HS3ST4: variants seen among roughly 807,000 people sequenced by gnomAD.
HS3ST4 encodes heparan sulfate-glucosamine 3-sulfotransferase 4.
Under a neutral mutation model 29.2 loss-of-function variants are expected in HS3ST4, and 17 were observed. The observed-to-expected ratio is 0.58, with a 90% CI of 0.40 to 0.87. The LOEUF is 0.87. Ranked by LOEUF, HS3ST4 falls within the 40% of genes least tolerant of loss-of-function variation. The pLI is 0.00. For missense variants in HS3ST4, 627 were observed against 634.5 expected, an observed-to-expected ratio of 0.99 and a Z score of 0.13; for synonymous variants, 314 against 285.7, an observed-to-expected ratio of 1.10 and a Z score of -1.00.
chr16:25,977,992 C>T (rs947283437), intron 1 of HS3ST4, among the ~76,000 whole-genome samples: 2 of 152,172 alleles, frequency 1.3e-5, no homozygotes, highest in Admixed American at 6.5e-5. Context: ...GCCATCGGCC[C>T]TAACCTCAAG....
intron 1 of HS3ST4, among the ~76,000 whole-genome samples, chr16:25,867,858 T>G (rs1967712044): frequency 6.6e-6 from 1 of 152,082 alleles, no homozygotes; most frequent in Non-Finnish European, 1.5e-5. Context: ...TCATCGGGCC[T>G]CAGTTTACCC....
chr16:25,940,806 A>G (rs1968564901), intron 1 of HS3ST4, among the ~76,000 whole-genome samples: 1 of 152,172 alleles, frequency 6.6e-6, no homozygotes, highest in Non-Finnish European at 1.5e-5. Context: ...ACTCCTAACC[A>G]AGTCCTTCAC....
At chr16:25,821,080 G>A (rs1453599280) in intron 1 of HS3ST4, among the ~76,000 whole-genome samples, 1 of 136,170 alleles carries the variant, frequency 7.3e-6, no homozygotes, top group Non-Finnish European at 1.5e-5. Flanking sequence ...TTTTTTTTGA[G>A]ACAGTCTTGC....
chr16:26,115,188 T>C (rs1437162651), intron 1 of HS3ST4, among the ~76,000 whole-genome samples: 1 of 151,998 alleles, frequency 6.6e-6, no homozygotes, highest in Non-Finnish European at 1.5e-5. Context: ...AACACTATTA[T>C]GTATTCTATA....
At chr16:25,833,875 A>G (rs992199462) in intron 1 of HS3ST4, among the ~76,000 whole-genome samples, 1 of 152,234 alleles carries the variant, frequency 6.6e-6, no homozygotes, top group Non-Finnish European at 1.5e-5. Context: ...AATCGTTTCC[A>G]TCCCCAGGAT....
At chr16:25,715,287 A>G (rs1013323055) in intron 1 of HS3ST4, among the ~76,000 whole-genome samples, 13 of 143,990 alleles carry the variant, frequency 9.0e-5, no homozygotes, top group African/African-American at 2.8e-4. Context: ...GCGCCACTGC[A>G]GTCCGCAGTC....
At chr16:25,980,317 G>T (rs113640039) in intron 1 of HS3ST4, among the ~76,000 whole-genome samples, 1 of 152,050 alleles carries the variant, frequency 6.6e-6, no homozygotes, top group African/African-American at 2.4e-5. Context: ...ATCATTCCCT[G>T]CTTCTCCTGG....
At chr16:25,870,538 T>C (rs1356711786) in intron 1 of HS3ST4, among the ~76,000 whole-genome samples, 1 of 151,948 alleles carries the variant, frequency 6.6e-6, no homozygotes, top group Non-Finnish European at 1.5e-5. Flanking sequence ...GATGGAAGCT[T>C]CAGAAGAGAA....
At chr16:25,776,579 G>T (rs1045780664) in intron 1 of HS3ST4, among the ~76,000 whole-genome samples, 8 of 152,112 alleles carry the variant, frequency 5.3e-5, no homozygotes, top group African/African-American at 9.7e-5. Context: ...GCTGTGTCAC[G>T]GGTGCGCATC....
intron 1 of HS3ST4, among the ~76,000 whole-genome samples, chr16:25,865,480 G>T (rs370165004): frequency 3.1e-4 from 46 of 149,792 alleles, no homozygotes; most frequent in African/African-American, 1.0e-3. Context: ...TGTCTCTTCA[G>T]GTCCTTTGCC....
intron 1 of HS3ST4, among the ~76,000 whole-genome samples, chr16:25,966,577 G>T (rs1400284887): frequency 6.6e-6 from 1 of 152,100 alleles, no homozygotes. Context: ...CCAGCAGCTG[G>T]GGCAGACTGA....
intron 1 of HS3ST4, among the ~76,000 whole-genome samples, chr16:25,708,110 T>C (rs1321619205): frequency 1.3e-5 from 2 of 152,204 alleles, no homozygotes; most frequent in African/African-American, 4.8e-5. Context: ...ACCTTAATGT[T>C]GCTGGGGTCA....
intron 1 of HS3ST4, among the ~76,000 whole-genome samples, chr16:25,924,706 T>C (rs1035741240): frequency 4.6e-5 from 7 of 152,176 alleles, no homozygotes; most frequent in African/African-American, 1.7e-4. Context: ...TTACAACTTT[T>C]CCCTCTATTA....
chr16:25,866,475 A>G (rs1016245653), intron 1 of HS3ST4, among the ~76,000 whole-genome samples: 1 of 152,240 alleles, frequency 6.6e-6, no homozygotes, highest in African/African-American at 2.4e-5. Flanking sequence ...CTATGCAGCC[A>G]TAAAAAAGGA....
intron 1 of HS3ST4, among the ~76,000 whole-genome samples, chr16:26,131,727 C>T (rs765825191): frequency 6.6e-6 from 1 of 152,120 alleles, no homozygotes; most frequent in Non-Finnish European, 1.5e-5. Context: ...GTTACTGGAT[C>T]GGAGCCCCAG....
intron 1 of HS3ST4, among the ~76,000 whole-genome samples, chr16:25,958,556 C>T (rs1045498174): frequency 3.3e-5 from 5 of 152,148 alleles, no homozygotes; most frequent in Non-Finnish European, 5.9e-5. Context: ...GTCTCGAACT[C>T]CTGACCTCAG....
intron 1 of HS3ST4, among the ~76,000 whole-genome samples, chr16:26,013,052 A>G (rs555000705): frequency 3.3e-4 from 50 of 152,050 alleles, no homozygotes; most frequent in Admixed American, 2.0e-4. Flanking sequence ...AATCCCAGCT[A>G]CTCGGGAGGC....
At chr16:26,071,303 G>T (rs969803892) in intron 1 of HS3ST4, among the ~76,000 whole-genome samples, 1 of 152,130 alleles carries the variant, frequency 6.6e-6, no homozygotes, top group African/African-American at 2.4e-5. Context: ...TGGGGAAGCG[G>T]CTGTAGAAAT....
intron 1 of HS3ST4, among the ~76,000 whole-genome samples, chr16:25,861,629 T>C (rs959071391): frequency 1.3e-5 from 2 of 152,102 alleles, no homozygotes; most frequent in African/African-American, 4.8e-5. Flanking sequence ...GCCAGGGAGA[T>C]GATATATGAG....
Sources: allele counts gnomAD v4.1 joint callset (sites outside exome capture counted in the v4.1 genomes callset), GRCh38; gene constraint gnomAD v4.1.1; transcripts MANE v1.5; gene names NCBI Gene and HGNC (gene_info 2026-07-23, HGNC 2026-07-21).